The following SMAP1 variants were observed in gnomAD, a reference collection of about 807,000 sequenced individuals.
SMAP1 encodes the protein small ArfGAP 1.
Under a neutral mutation model 58.5 loss-of-function variants are expected in SMAP1, and 24 were observed. The observed-to-expected ratio is 0.41, with a 90% CI of 0.30 to 0.58. SMAP1 has a LOEUF of 0.58. SMAP1 is among the 20% of genes least tolerant of loss of function. The probability of loss-of-function intolerance (pLI) is 0.29; values close to 1 mark genes in which losing one functional copy is unlikely to be tolerated. For synonymous variants in SMAP1, 216 were observed against 196.6 expected (o/e 1.10, Z -0.82); for missense variants, 563 against 566.3 (o/e 0.99, Z 0.06).
intron 4 of SMAP1, 127 bp downstream of exon 4, chr6:70,773,552 A>G (rs1767420009): frequency 3.6e-6 from 2 of 554,158 alleles, no homozygotes; most frequent in Non-Finnish European, 6.0e-6. Context: ...TGAATATTGG[A>G]ACTTTTTTGG....
intron 6 of SMAP1, among the ~76,000 whole-genome samples, chr6:70,807,238 G>A (rs1769173707): frequency 6.6e-6 from 1 of 152,106 alleles, no homozygotes; most frequent in South Asian, 2.1e-4. Context: ...TCTCATTGAG[G>A]TTTACATTTT....
chr6:70,860,141 G>GAAAC (rs1771647790), intron 10 of SMAP1, 59 bp from the exon 11 acceptor site: 1 of 1,507,552 alleles, frequency 6.6e-7, no homozygotes, highest in Admixed American at 2.3e-5. Flanking sequence ...TGTGGCTAAA[G>GAAAC]AAACAAGAAT....
At chr6:70,802,947 G>C (rs1768930022) in intron 6 of SMAP1, among the ~76,000 whole-genome samples, 2 of 152,134 alleles carry the variant, frequency 1.3e-5, no homozygotes, top group Non-Finnish European at 2.9e-5. Context: ...TGTTCATCAG[G>C]GATATTGGTC....
At chr6:70,792,810 C>T (rs1029580913) in intron 5 of SMAP1, among the ~76,000 whole-genome samples, 22 of 151,924 alleles carry the variant, frequency 1.4e-4, no homozygotes, top group African/African-American at 4.8e-4. Context: ...TCTGAAGGCT[C>T]GGGCACTTGA....
At chr6:70,859,822 A>G (rs907944863) in intron 10 of SMAP1, 7 of 181,088 alleles carry the variant, frequency 3.9e-5, no homozygotes, top group South Asian at 1.6e-4. Context: ...AATAATATCT[A>G]TCATACAAAG....
At chr6:70,735,739 G>A (rs1009898802) in intron 2 of SMAP1, among the ~76,000 whole-genome samples, 2 of 152,112 alleles carry the variant, frequency 1.3e-5, no homozygotes, top group African/African-American at 4.8e-5. Context: ...ACTGCACTCC[G>A]CCATGAGTTA....
intron 6 of SMAP1, among the ~76,000 whole-genome samples, chr6:70,808,333 AT>A (rs893747098): frequency 6.6e-6 from 1 of 152,250 alleles, no homozygotes; most frequent in Non-Finnish European, 1.5e-5. Context: ...GATAGTAAAT[AT>A]TTTAAGCTAT....
chr6:70,724,981 A>G, intron 1 of SMAP1, among the ~76,000 whole-genome samples: 1 of 151,682 alleles, frequency 6.6e-6, no homozygotes, highest in Non-Finnish European at 1.5e-5. Context: ...CTTCTATTTA[A>G]ACTTTTGGGT....
chr6:70,682,167 C>T (rs560429916), intron 1 of SMAP1, among the ~76,000 whole-genome samples: 1 of 127,242 alleles, frequency 7.9e-6, no homozygotes, highest in African/African-American at 2.9e-5. Flanking sequence ...ATTCTCTGCA[C>T]AGATTTTTTT....
chr6:70,679,570 C>T (rs1322999560), intron 1 of SMAP1, among the ~76,000 whole-genome samples: 1 of 152,044 alleles, frequency 6.6e-6, no homozygotes, highest in Admixed American at 6.6e-5. Flanking sequence ...AAAAGTAACT[C>T]TATATACTAG....
intron 1 of SMAP1, among the ~76,000 whole-genome samples, chr6:70,709,675 C>G (rs771732910): frequency 2.6e-5 from 4 of 152,058 alleles, no homozygotes; most frequent in Non-Finnish European, 4.4e-5. Context: ...ATTTTTCTTT[C>G]TTAAGATTGT....
intron 2 of SMAP1, among the ~76,000 whole-genome samples, chr6:70,747,174 C>A (rs1461615092): frequency 1.3e-5 from 2 of 152,120 alleles, no homozygotes; most frequent in African/African-American, 4.8e-5. Flanking sequence ...GGGTGATCTT[C>A]AGTACTTGAA....
chr6:70,722,165 A>T (rs1336844638), intron 1 of SMAP1, among the ~76,000 whole-genome samples: 1 of 152,262 alleles, frequency 6.6e-6, no homozygotes, highest in African/African-American at 2.4e-5. Context: ...GCATACTGTT[A>T]GATTGAAATT....
At position 70,670,139 on chromosome 6, in the gene SMAP1, C is replaced by G. The variant is rs1174327692; in HGVS notation, c.118+1998C>G. Among the ~76,000 whole-genome samples, 3 of 152,168 alleles carry G rather than the reference C, an allele frequency of 2.0e-5. No individual in the cohort carries two copies. In the South Asian group the frequency reaches 6.2e-4, roughly 32 times the overall value. On this transcript the variant is annotated intron_variant, in intron 1 of 10. Transcript: ENST00000370455. ...AATGTCTTTTGTATTTTGGTTTTGTCTGGCCTTTTGTTGGTTTACTTGTTT... is the reference window on the plus strand; with the variant it reads ...AATGTCTTTTGTATTTTGGTTTTGTGTGGCCTTTTGTTGGTTTACTTGTTT...
chr6:70,853,791 A>G (rs1771279758), intron 8 of SMAP1, among the ~76,000 whole-genome samples: 1 of 152,222 alleles, frequency 6.6e-6, no homozygotes, highest in African/African-American at 2.4e-5. Flanking sequence ...ACAAATTGGT[A>G]CAGGCATAGG....
chr6:70,808,427 T>G (rs551631988), intron 6 of SMAP1, among the ~76,000 whole-genome samples: 1 of 152,340 alleles, frequency 6.6e-6, no homozygotes, highest in African/African-American at 2.4e-5. Flanking sequence ...AACTTTATTT[T>G]TAAAAACAGA....
chr6:70,732,385 A>C lies in SMAP1; in HGVS notation c.126A>C (p.Arg42=). The C allele has an allele frequency of 2.5e-6, 4 of 1,605,236 alleles. No homozygotes were observed. Among genetic ancestry groups the C allele is most frequent in the Non-Finnish European group, 3.4e-6 (4 of 1,176,352 alleles). ...YCADCEAKGP[R]WASWNIGVFI... ...TTTCTTCTTCTAAATTAGGTCCTCG[A>C]TGGGCTTCCTGGAATATTGGTGTGT... Residue 42 remains arginine (R), a synonymous_variant, in exon 2 of 11, where the codon CGA becomes CGC. Coordinates refer to ENST00000370455, the MANE Select transcript of SMAP1 (RefSeq NM_001044305.3).
intron 1 of SMAP1, among the ~76,000 whole-genome samples, chr6:70,720,263 G>C (rs762538104): frequency 6.6e-6 from 1 of 152,172 alleles, no homozygotes. Flanking sequence ...CCTCCAAAAT[G>C]ATCTCCATGA....
chr6:70,678,548 C>CCTA (rs1766574431), intron 1 of SMAP1, among the ~76,000 whole-genome samples: 2 of 152,240 alleles, frequency 1.3e-5, no homozygotes, highest in African/African-American at 4.8e-5. Context: ...ATATTAATTT[C>CCTA]CTGTTGCTGC....
Sources: gnomAD v4.1 joint callset for allele counts (sites outside exome capture counted in the v4.1 genomes callset) on GRCh38, gnomAD v4.1.1 for gene constraint, MANE v1.5 for transcripts, NCBI Gene and HGNC (gene_info 2026-07-23, HGNC 2026-07-21) for gene names.